The following KCNIP4 variants were observed in gnomAD, a reference collection of about 807,000 sequenced individuals.
KCNIP4 encodes Kv channel-interacting protein 4.
A neutral mutation model predicts 34.0 loss-of-function variants in KCNIP4; 12 were observed. The ratio of observed to expected loss-of-function variants is 0.35; its 90% CI spans 0.23 to 0.57. The LOEUF (loss-of-function observed/expected upper bound fraction) is 0.57. Among genes scored for constraint, KCNIP4 ranks in the 20% least tolerant of loss-of-function variants. The pLI is 0.83. For missense variants in KCNIP4, 238 were observed against 311.7 expected (o/e 0.76, Z 1.78); for synonymous variants, 124 against 102.2 (o/e 1.21, Z -1.29).
intron 1 of KCNIP4, among the ~76,000 whole-genome samples, chr4:20,950,028 AAAAAAG>A (rs1209529944): frequency 1.5e-4 from 22 of 151,590 alleles, no homozygotes; most frequent in Middle Eastern, 3.4e-3. Flanking sequence ...ATAAATAAAT[AAAAAAG>A]AAAATGAAAA....
Position 21,403,604 on chromosome 4 carries a change from C to T in KCNIP4, c.62-520895G>A, listed in dbSNP as rs532771616. 2.8e-4 allele frequency among the ~76,000 whole-genome samples: 42 copies of T among 152,298 alleles called. No homozygotes were observed. The East Asian group carries it at 3.9e-3, about 14-fold the overall frequency. Reference sequence around the variant, plus strand: ...GCATCATCTCTATAACCTAATAGAACGACTTCCGTGTCCTTCACCTAATAC... The same window carrying T: ...GCATCATCTCTATAACCTAATAGAATGACTTCCGTGTCCTTCACCTAATAC... On this transcript the variant is annotated intron_variant, in intron 1 of 8. Coordinates refer to ENST00000382152, the MANE Select transcript of KCNIP4 (RefSeq NM_025221.6).
At chr4:21,695,303 G>A (rs542400274) in intron 1 of KCNIP4, among the ~76,000 whole-genome samples, 13 of 152,196 alleles carry the variant, frequency 8.5e-5, no homozygotes, top group Admixed American at 2.6e-4. Context: ...ATTAGAGACT[G>A]AGCCGAAAAG....
intron 1 of KCNIP4, among the ~76,000 whole-genome samples, chr4:21,104,230 T>C (rs1748260778): frequency 6.6e-6 from 1 of 151,946 alleles, no homozygotes; most frequent in South Asian, 2.1e-4. Flanking sequence ...AGTGTTCCTA[T>C]TTCTCCACAT....
At chr4:21,494,456 A>G (rs1732671508) in intron 1 of KCNIP4, among the ~76,000 whole-genome samples, 1 of 152,176 alleles carries the variant, frequency 6.6e-6, no homozygotes, top group African/African-American at 2.4e-5. Flanking sequence ...AGCCTTAACT[A>G]GAAATCTGAA....
intron 2 of KCNIP4, among the ~76,000 whole-genome samples, chr4:20,879,475 T>C (rs1031242350): frequency 3.3e-5 from 5 of 152,184 alleles, no homozygotes; most frequent in African/African-American, 1.2e-4. Context: ...AAAGTCAAGA[T>C]ATGTGGTTTA....
At chr4:21,820,277 G>T in intron 1 of KCNIP4, among the ~76,000 whole-genome samples, 1 of 16,724 alleles carries the variant, frequency 6.0e-5, no homozygotes, top group African/African-American at 1.8e-4. Flanking sequence ...TTATGTATGT[G>T]TGTGTGTGTA....
chr4:21,901,761 C>T (rs1270681632), intron 1 of KCNIP4, among the ~76,000 whole-genome samples: 1 of 152,080 alleles, frequency 6.6e-6, no homozygotes, highest in Admixed American at 6.5e-5. Flanking sequence ...CCTCCACAAA[C>T]TTTGTTTTCA....
chr4:21,107,146 G>A (rs921343798), intron 1 of KCNIP4, among the ~76,000 whole-genome samples: 4 of 146,902 alleles, frequency 2.7e-5, no homozygotes, highest in Non-Finnish European at 5.9e-5. Flanking sequence ...CAATTCCTGG[G>A]TATCCTTTTT....
chr4:20,942,544 T>A (rs985700398), intron 1 of KCNIP4, among the ~76,000 whole-genome samples: 1 of 152,178 alleles, frequency 6.6e-6, no homozygotes, highest in African/African-American at 2.4e-5. Flanking sequence ...AACTATGACG[T>A]AGGGCCATTA....
intron 1 of KCNIP4, among the ~76,000 whole-genome samples, chr4:21,242,163 CAAA>C (rs11436478): frequency 0.049 from 2,736 of 55,646 alleles, 79 homozygotes; most frequent in African/African-American, 0.15. Context: ...AATTCTGTCT[CAAA>C]AAAAAAAAAA....
intron 1 of KCNIP4, among the ~76,000 whole-genome samples, chr4:21,541,504 G>A (rs547560343): frequency 6.6e-6 from 1 of 152,252 alleles, no homozygotes; most frequent in South Asian, 2.1e-4. Flanking sequence ...AAGGAACGCT[G>A]TGCCACCTCC....
chr4:21,044,001 C>T (rs1742197028), intron 1 of KCNIP4, among the ~76,000 whole-genome samples: 1 of 152,022 alleles, frequency 6.6e-6, no homozygotes, highest in African/African-American at 2.4e-5. Flanking sequence ...GATTACAGCC[C>T]ATGTCATAAT....
chr4:20,776,168 G>T (rs1479006795), intron 3 of KCNIP4, among the ~76,000 whole-genome samples: 1 of 152,084 alleles, frequency 6.6e-6, no homozygotes. Context: ...ATCAGCAAGG[G>T]ATTCTCTTCA....
chr4:20,889,059 T>A (rs1988092), intron 1 of KCNIP4, among the ~76,000 whole-genome samples: 7,464 of 152,232 alleles, frequency 0.049, 425 homozygotes, highest in African/African-American at 0.14. Flanking sequence ...CACCATCCTT[T>A]AAATTGCTGT....
intron 1 of KCNIP4, among the ~76,000 whole-genome samples, chr4:21,861,177 A>G (rs1031218115): frequency 6.6e-6 from 1 of 152,254 alleles, no homozygotes; most frequent in Non-Finnish European, 1.5e-5. Flanking sequence ...TATTTCAAAT[A>G]TTACAAAGTA....
At chr4:21,421,833 A>G (rs977371168) in intron 1 of KCNIP4, among the ~76,000 whole-genome samples, 1 of 152,224 alleles carries the variant, frequency 6.6e-6, no homozygotes, top group Non-Finnish European at 1.5e-5. Context: ...CAAAGTGTAT[A>G]CATATATCAA....
intron 1 of KCNIP4, among the ~76,000 whole-genome samples, chr4:21,433,227 GT>G (rs1227813114): frequency 6.6e-6 from 1 of 152,138 alleles, no homozygotes; most frequent in Non-Finnish European, 1.5e-5. Context: ...ACGTAACTAA[GT>G]TTTCTGTTAT....
intron 1 of KCNIP4, chr4:21,718,517 G>A (rs1714561726): frequency 6.6e-6 from 1 of 151,502 alleles, no homozygotes; most frequent in African/African-American, 2.4e-5. Context: ...TTGTTACTTA[G>A]GTAAATAAAT....
intron 1 of KCNIP4, among the ~76,000 whole-genome samples, chr4:21,728,658 T>C (rs1352193260): frequency 6.6e-6 from 1 of 152,208 alleles, no homozygotes; most frequent in Non-Finnish European, 1.5e-5. Flanking sequence ...GTTTCCTCTC[T>C]GACCTCATCT....
Sources: allele counts gnomAD v4.1 joint callset (sites outside exome capture counted in the v4.1 genomes callset), GRCh38; gene constraint gnomAD v4.1.1; transcripts MANE v1.5; gene names NCBI Gene and HGNC (gene_info 2026-07-23, HGNC 2026-07-21).